The following SNX13 variants were observed in gnomAD, a reference collection of about 807,000 sequenced individuals.
SNX13 encodes sorting nexin 13.
A neutral mutation model predicts 133.6 loss-of-function variants in SNX13; 45 were observed. The observed-to-expected ratio is 0.34, with a 90% CI of 0.27 to 0.43. The LOEUF (loss-of-function observed/expected upper bound fraction) is 0.43. Among genes scored for constraint, SNX13 ranks in the 20% least tolerant of loss-of-function variants. The probability of loss-of-function intolerance (pLI) is 1.00; values close to 1 mark genes in which losing one functional copy is unlikely to be tolerated. For synonymous variants in SNX13, 414 were observed against 373.9 expected (o/e 1.11, Z -1.24); for missense variants, 1,032 against 1,145.1 (o/e 0.90, Z 1.43).
intron 9 of SNX13, among the ~76,000 whole-genome samples, chr7:17,862,124 C>T (rs185314610): frequency 1.8e-4 from 28 of 152,282 alleles, no homozygotes; most frequent in Non-Finnish European, 3.5e-4. Context: ...AATACATGCT[C>T]AGAAACAGAA....
chr7:17,872,048 C>T (rs906121032), intron 8 of SNX13, among the ~76,000 whole-genome samples: 2 of 152,148 alleles, frequency 1.3e-5, no homozygotes, highest in Non-Finnish European at 2.9e-5. Context: ...GTGAGTCACT[C>T]AAGTGGTGAT....
At chr7:17,896,405 CA>C (rs1353622765) in intron 2 of SNX13, among the ~76,000 whole-genome samples, 1 of 152,140 alleles carries the variant, frequency 6.6e-6, no homozygotes, top group East Asian at 1.9e-4. Context: ...ACATGACTAT[CA>C]AATCTGTATC....
chr7:17,840,032 A>G (rs1772333869), intron 12 of SNX13, 32 bp from the exon 13 acceptor site: 19 of 1,575,002 alleles, frequency 1.2e-5, no homozygotes, highest in Non-Finnish European at 1.6e-5. Flanking sequence ...TAACATAAAT[A>G]TTAGTGTCAC....
chr7:17,898,851 T>C (rs924437612), intron 1 of SNX13: 7 of 152,222 alleles, frequency 4.6e-5, no homozygotes, highest in Admixed American at 1.3e-4. Context: ...CTCAGAGTTA[T>C]ACAACTCTTA....
intron 1 of SNX13, chr7:17,900,140 C>T (rs1025588052): frequency 1.3e-5 from 2 of 152,216 alleles, no homozygotes; most frequent in Non-Finnish European, 2.9e-5. Flanking sequence ...GAAACTCTTG[C>T]TTTCTTCCCT....
At chr7:17,883,939 G>T (rs1795670034) in intron 5 of SNX13, among the ~76,000 whole-genome samples, 1 of 152,070 alleles carries the variant, frequency 6.6e-6, no homozygotes, top group Non-Finnish European at 1.5e-5. Context: ...GGACAGTTAT[G>T]CTCATTTATT....
intron 7 of SNX13, among the ~76,000 whole-genome samples, chr7:17,873,854 A>T (rs1794394358): frequency 6.6e-6 from 1 of 152,152 alleles, no homozygotes; most frequent in Non-Finnish European, 1.5e-5. Flanking sequence ...AGTTTTTTGA[A>T]TCATAAAAAA....
intron 1 of SNX13, among the ~76,000 whole-genome samples, chr7:17,919,646 TTTAGAAA>T (rs754162708): frequency 5.8e-4 from 89 of 152,258 alleles, no homozygotes; most frequent in Middle Eastern, 6.8e-3. Context: ...ATACCCGAGT[TTTAGAAA>T]AATTGATACT....
chr7:17,927,364 T>C (rs954829998), intron 1 of SNX13, among the ~76,000 whole-genome samples: 3 of 151,972 alleles, frequency 2.0e-5, no homozygotes, highest in Non-Finnish European at 4.4e-5. Context: ...CGCCTCAGCC[T>C]CCTGAGTAGC....
At chr7:17,868,090 T>C (rs1363481612) in intron 9 of SNX13, among the ~76,000 whole-genome samples, 1 of 152,168 alleles carries the variant, frequency 6.6e-6, no homozygotes, top group Non-Finnish European at 1.5e-5. Context: ...TCCCAAGTTG[T>C]ATTTAAAAAT....
At chr7:17,900,328 T>A (rs1278048597) in intron 1 of SNX13, 4 of 152,368 alleles carry the variant, frequency 2.6e-5, no homozygotes, top group Admixed American at 2.6e-4. Flanking sequence ...CTGCCTATGT[T>A]CACTTGAAGC....
Position 17,875,683 on chromosome 7 carries a change from T to C in SNX13, c.548A>G (p.Asp183Gly), listed in dbSNP as rs1383789036. The C allele has an allele frequency of 5.6e-6, 9 of 1,609,778 alleles. No individual in the cohort carries two copies. The highest frequency in any genetic ancestry group is 7.6e-6 in the Non-Finnish European group (9 of 1,177,560). ...RKAQQKITEK[D>G]DQVKGTAEDL... Reference sequence around the variant, plus strand: ...AAAGATATTACCTTTCACTTGATCATCTTTCTCTGTTATTTTCTGTTGAGC... The same window carrying C: ...AAAGATATTACCTTTCACTTGATCACCTTTCTCTGTTATTTTCTGTTGAGC... Residue 183 changes from aspartate (D) to glycine (G), a missense_variant, in exon 6 of 26, where the codon GAT becomes GGT. Asp to Gly is a moderately conservative substitution (Grantham distance 94). Transcript: ENST00000428135.
At chr7:17,843,587 T>C (rs1790154850) in intron 12 of SNX13, among the ~76,000 whole-genome samples, 2 of 152,000 alleles carry the variant, frequency 1.3e-5, no homozygotes, top group Non-Finnish European at 2.9e-5. Flanking sequence ...TTAACAAGCA[T>C]ACAGAACACT....
At chr7:17,847,001 T>C (rs981248250) in intron 11 of SNX13, among the ~76,000 whole-genome samples, 5 of 152,194 alleles carry the variant, frequency 3.3e-5, no homozygotes, top group African/African-American at 7.2e-5. Context: ...ATAAAGCTTG[T>C]ATTCAAAATG....
At chr7:17,802,945 C>T (rs1298064177) in intron 21 of SNX13, among the ~76,000 whole-genome samples, 4 of 152,110 alleles carry the variant, frequency 2.6e-5, no homozygotes, top group African/African-American at 7.2e-5. Flanking sequence ...TACCCAGTAA[C>T]GTATGAGCCC....
intron 9 of SNX13, 39 bp downstream of exon 9, chr7:17,868,368 T>A (rs760104657): frequency 1.4e-6 from 2 of 1,449,196 alleles, no homozygotes; most frequent in South Asian, 2.5e-5. Context: ...TTTCAAAAAT[T>A]ATTTCTAAAA....
intron 1 of SNX13, among the ~76,000 whole-genome samples, chr7:17,926,334 A>G (rs1319720710): frequency 6.6e-6 from 1 of 152,214 alleles, no homozygotes; most frequent in East Asian, 1.9e-4. Flanking sequence ...ATATACTAAC[A>G]ATATGTAGAA....
chr7:17,905,591 C>T (rs1041976192), intron 1 of SNX13, among the ~76,000 whole-genome samples: 4 of 152,170 alleles, frequency 2.6e-5, no homozygotes, highest in African/African-American at 9.7e-5. Context: ...CAAAATAGTA[C>T]TACCCAAAAC....
chr7:17,839,911 C>A lies in SNX13; in HGVS notation c.1255G>T (p.Val419Phe). The A allele has an allele frequency of 6.2e-7, 1 of 1,612,082 alleles. No homozygotes were observed. The highest frequency in any genetic ancestry group is 1.3e-5 in the African/African-American group (1 of 74,898). Residue 419 changes from valine to phenylalanine, a missense_variant, in exon 13 of 26, where the codon GTT becomes TTT. Val to Phe is a conservative substitution (Grantham distance 50, BLOSUM62 -1). Coordinates refer to ENST00000428135, the MANE Select transcript of SNX13 (RefSeq NM_015132.5). Reference sequence around the variant, plus strand: ...CCATCTCTCTGACGACTTAATAAAACTTCTAGCTGCTGTTGGGCGGTAACC... The same window carrying A: ...CCATCTCTCTGACGACTTAATAAAAATTCTAGCTGCTGTTGGGCGGTAACC... ...YRVTAQQQLE[V>F]LLSRQRDGKH...
Sources: allele counts gnomAD v4.1 joint callset (sites outside exome capture counted in the v4.1 genomes callset), GRCh38; gene constraint gnomAD v4.1.1; transcripts MANE v1.5; gene names NCBI Gene and HGNC (gene_info 2026-07-23, HGNC 2026-07-21).